Variants in NDUFS2 observed in about 807,000 individuals in gnomAD.
NDUFS2 encodes the protein NADH:ubiquinone oxidoreductase core subunit S2.
In NDUFS2, 38 loss-of-function variants were observed where a neutral mutation model predicts 69.6. That is an observed-to-expected ratio of 0.55 (90% CI 0.42 to 0.72). The LOEUF (loss-of-function observed/expected upper bound fraction) is 0.72. NDUFS2 is among the 30% of genes least tolerant of loss of function. NDUFS2 has a pLI of 0.00. For missense variants in NDUFS2, 468 were observed against 595.0 expected, an observed-to-expected ratio of 0.79 and a Z score of 2.22; for synonymous variants, 194 against 211.2, an observed-to-expected ratio of 0.92 and a Z score of 0.70.
In NDUFS2 at chr1:161,210,194, C is replaced by T. The variant is rs753372460; in HGVS notation, c.780+6C>T. The T allele has an allele frequency of 5.0e-6, 8 of 1,613,832 alleles. No homozygotes were observed. The Admixed American group carries it at 1.2e-4, about 24-fold the overall frequency. On this transcript the variant is annotated splice_donor_region_variant and intron_variant, in intron 7 of 13. Transcript: ENST00000676972. ...GGCTTGATGAGTTGGAGGAGGTAAG[C>T]TAGGAGTCAATGGGAAAAATCTCTC...
intron 9 of NDUFS2, among the ~76,000 whole-genome samples, chr1:161,211,344 C>T (rs76265753): frequency 0.023 from 3,533 of 152,238 alleles, 53 homozygotes; most frequent in Middle Eastern, 0.054. Flanking sequence ...CTAGTAGATC[C>T]TAAGCTTCAG....
At chr1:161,202,066 A>G (rs1421290916), upstream of NDUFS2, 2 of 453,246 alleles carry the variant, frequency 4.4e-6, no homozygotes, top group African/African-American at 4.0e-5. Flanking sequence ...CGCGTTTCCA[A>G]GATACGCAGG....
At chr1:161,209,164 A>T in intron 3 of NDUFS2, 29 bp from the exon 4 acceptor site, 1 of 1,614,138 alleles carries the variant, frequency 6.2e-7, no homozygotes, top group Non-Finnish European at 8.5e-7. Flanking sequence ...AGCCTGTTAG[A>T]TGTGACCCAC....
chr1:161,212,523 G>T, intron 10 of NDUFS2, 43 bp downstream of exon 10: 3 of 1,604,410 alleles, frequency 1.9e-6, no homozygotes, highest in Non-Finnish European at 2.5e-6. Flanking sequence ...TTGGAAAGGG[G>T]CCAGTGGCTG....
rs763513710 is a variant in NDUFS2 at position 161,209,554 on chromosome 1, G to A, written c.586G>A (p.Ala196Thr). 2 of 1,613,412 alleles carry A rather than the reference G, an allele frequency of 1.2e-6. No individual in the cohort carries two copies. Among genetic ancestry groups the A allele is most frequent in the Non-Finnish European group, 1.7e-6 (2 of 1,180,008 alleles). Residue 196 changes from alanine (A) to threonine (T), a missense_variant, in exon 5 of 14, where the codon GCC becomes ACC. Around this residue, in one of 3 missense-constraint regions of NDUFS2, gnomAD observed 339 missense variants for 433.8 expected, o/e 0.78. Transcript: ENST00000676972. ...GACCACACATGCCCTGGACCTTGGG[G>A]CCATGACCCCTTTCTTCTGGCTGTT... ...AVTTHALDLG[A>T]MTPFFWLFEE...
intron 1 of NDUFS2, among the ~76,000 whole-genome samples, 164 bp from the exon 2 acceptor site, chr1:161,203,273 T>C (rs1394509701): frequency 6.6e-6 from 1 of 151,870 alleles, no homozygotes; most frequent in African/African-American, 2.4e-5. Flanking sequence ...ACCATTGCCC[T>C]CCAGTATGGG....
At position 161,209,258 on chromosome 1, in the gene NDUFS2, A is replaced by G; in HGVS notation, c.459A>G (p.Leu153=). 1 of 1,614,124 alleles carries G rather than the reference A, an allele frequency of 6.2e-7. No individual in the cohort carries two copies. The highest frequency in any genetic ancestry group is 8.5e-7 in the Non-Finnish European group (1 of 1,180,032). Residue 153 remains leucine, a synonymous_variant, in exon 4 of 14, where the codon CTA becomes CTG. Transcript: ENST00000676972. The stretch of plus-strand genomic sequence containing the variant: ...TGTGTAACGAACAGGCCTATTCTCT[A>G]GCTGTGGAGAAGTTGCTAAACATCC... ...SMMCNEQAYS[L]AVEKLLNIRP...
intron 9 of NDUFS2, among the ~76,000 whole-genome samples, chr1:161,211,415 A>G (rs1665763724): frequency 1.3e-5 from 2 of 152,166 alleles, no homozygotes; most frequent in Non-Finnish European, 2.9e-5. Context: ...TTGGGAGTCC[A>G]AGGTGGGTGG....
At chr1:161,208,997 G>A (rs1383120294) in intron 3 of NDUFS2, among the ~76,000 whole-genome samples, 196 bp from the exon 4 acceptor site, 2 of 152,150 alleles carry the variant, frequency 1.3e-5, no homozygotes, top group Non-Finnish European at 2.9e-5. Context: ...CCCTCACTTT[G>A]GAGAGCCAGT....
intron 7 of NDUFS2, 37 bp from the exon 8 acceptor site, chr1:161,210,267 G>A: frequency 6.2e-7 from 1 of 1,609,412 alleles, no homozygotes; most frequent in Non-Finnish European, 8.5e-7. Flanking sequence ...AAGAGTGTGA[G>A]GAAGAGTATT....
At chr1:161,202,304 G>T, upstream of NDUFS2, 1 of 1,387,544 alleles carries the variant, frequency 7.2e-7, no homozygotes, top group South Asian at 1.2e-5. Context: ...TTCACTGTGC[G>T]AATAGGTGAG....
chr1:161,210,422 G>C (rs373018298), intron 8 of NDUFS2, 33 bp downstream of exon 8: 278 of 1,605,738 alleles, frequency 1.7e-4, no homozygotes, highest in Non-Finnish European at 2.3e-4. Flanking sequence ...CCGTAGGAGT[G>C]GGGGTGGGAG....
At chr1:161,197,941 T>C (rs941137117), upstream of NDUFS2, 13 of 1,516,768 alleles carry the variant, frequency 8.6e-6, no homozygotes, top group African/African-American at 1.4e-4. Context: ...TAGGGGTCAG[T>C]AGGACAGACA....
At chr1:161,203,133 C>T (rs182108891) in intron 1 of NDUFS2, among the ~76,000 whole-genome samples, 1 of 151,946 alleles carries the variant, frequency 6.6e-6, no homozygotes, top group Non-Finnish European at 1.5e-5. Flanking sequence ...ATGGAGAAAC[C>T]CCCGTCTTTA....
intron 5 of NDUFS2, 21 bp from the exon 6 acceptor site, chr1:161,209,836 T>C (rs895809531): frequency 1.2e-6 from 2 of 1,612,362 alleles, no homozygotes; most frequent in Non-Finnish European, 1.7e-6. Flanking sequence ...TTGACACTAA[T>C]TCCCAGCACG....
At chr1:161,208,745 A>G (rs1393283473) in intron 3 of NDUFS2, among the ~76,000 whole-genome samples, 2 of 152,238 alleles carry the variant, frequency 1.3e-5, no homozygotes, top group Non-Finnish European at 2.9e-5. Context: ...TTAATACATT[A>G]TATTAAAAGC....
At chr1:161,204,996 A>C (rs1482993637) in intron 2 of NDUFS2, among the ~76,000 whole-genome samples, 2 of 151,998 alleles carry the variant, frequency 1.3e-5, no homozygotes, top group Non-Finnish European at 2.9e-5. Flanking sequence ...GGTTGCAGTG[A>C]ACCGAGATCA....
chr1:161,198,318 C>T (rs538321148), upstream of NDUFS2: 23 of 1,613,304 alleles, frequency 1.4e-5, no homozygotes, highest in African/African-American at 2.3e-4. The surrounding 1 kb of genome is among the most constrained non-coding windows in gnomAD (Gnocchi z 4.7). Flanking sequence ...AGCCCCTCGA[C>T]CTGCACACCG....
At chr1:161,212,242 A>G (rs934495356) in intron 9 of NDUFS2, 109 bp from the exon 10 acceptor site, 2 of 1,351,446 alleles carry the variant, frequency 1.5e-6, no homozygotes, top group African/African-American at 1.4e-5. Flanking sequence ...TGGAGAAAAG[A>G]GTGGGGAGAG....
Sources: allele counts gnomAD v4.1 joint callset (sites outside exome capture counted in the v4.1 genomes callset), GRCh38; gene constraint gnomAD v4.1.1; regional missense constraint gnomAD v4.1.1; non-coding constraint Gnocchi (gnomAD v3.1); transcripts MANE v1.5; gene names NCBI Gene and HGNC (gene_info 2026-07-23, HGNC 2026-07-21).